The following KRT23 variants were observed in gnomAD, a reference collection of about 807,000 sequenced individuals.
KRT23 encodes keratin, type I cytoskeletal 23.
KRT23 carries 38 observed loss-of-function variants against 47.6 expected under a neutral mutation model. That is an observed-to-expected ratio of 0.80 (90% CI 0.62 to 1.05). KRT23 has a LOEUF of 1.05. Among genes scored for constraint, KRT23 ranks in the 50% least tolerant of loss-of-function variants. The probability of loss-of-function intolerance (pLI) is 0.00; values close to 1 mark genes in which losing one functional copy is unlikely to be tolerated. For synonymous variants in KRT23, 191 were observed against 199.0 expected (o/e 0.96, Z 0.34); for missense variants, 503 against 529.5 (o/e 0.95, Z 0.49).
rs2143549691 is a variant in KRT23, at chr17:40,937,514, G to C, written c.-519C>G. 1 of 152,374 alleles carries C rather than the reference G, an allele frequency of 6.6e-6. No homozygotes were observed. Among genetic ancestry groups the C allele is most frequent in the South Asian group, 2.1e-4 (1 of 4,828 alleles). The allele number at this position is 152,374 out of a possible 1,614,324, so 9.4% of individuals were successfully genotyped here. On this transcript the variant is annotated 5_prime_UTR_variant, in exon 1 of 9. Transcript: ENST00000209718. ...GCTCTGTGTGTCTGTGACCTGCAGA[G>C]GGACGATGGAAAACAGGAAACCTGC...
Position 40,926,301 on chromosome 17 carries a change from T to C in KRT23, c.922-727A>G, listed in dbSNP as rs563446874. Among the ~76,000 whole-genome samples the C allele has an allele frequency of 1.7e-4, 26 of 152,312 alleles. No individual in the cohort carries two copies. In the South Asian group the frequency reaches 4.8e-3, roughly 28 times the overall value. ...AGAATCTCCTAACTGTGCTGGATAC[T>C]CTCCCTTTATCGTGGCTGCTAATTT... On this transcript the variant is annotated intron_variant, in intron 6 of 8. Coordinates refer to ENST00000209718, the MANE Select transcript of KRT23 (RefSeq NM_015515.5).
chr17:40,936,180 G>T, intron 2 of KRT23, 28 bp downstream of exon 2: 1 of 1,613,180 alleles, frequency 6.2e-7, no homozygotes, highest in Non-Finnish European at 8.5e-7. Context: ...AGCCCCATCT[G>T]GATCTCCAGG....
chr17:40,936,430 A>G lies in KRT23; in HGVS notation c.174T>C (p.Ser58=). 1 of 1,612,800 alleles carries G rather than the reference A, an allele frequency of 6.2e-7. No individual in the cohort carries two copies. Among genetic ancestry groups the G allele is most frequent in the Non-Finnish European group, 8.5e-7 (1 of 1,179,136 alleles). ...TTRSCPPPGG[S]WGSGRSSPLL... ...GGGGGCTGCTTCTTCCAGAACCCCA[A>G]GACCCTCCAGGGGGTGGGCAGCTCC... Residue 58 remains serine (S), a synonymous_variant, in exon 2 of 9, where the codon TCT becomes TCC. Transcript: ENST00000209718.
rs150086547 is a variant in KRT23 at position 40,926,124 on chromosome 17, G to A, written c.922-550C>T. Among the ~76,000 whole-genome samples the A allele has an allele frequency of 2.3e-3, 353 of 151,562 alleles. 2 individuals are homozygous for A. The highest frequency in any genetic ancestry group is 8.0e-3 in the African/African-American group (332 of 41,258). On this transcript the variant is annotated intron_variant, in intron 6 of 8. Coordinates refer to ENST00000209718, the MANE Select transcript of KRT23 (RefSeq NM_015515.5). Reference sequence around the variant, plus strand: ...TCAAGCAATGCTTTTTGATTATGACGATGGTAAAAAAAAAAAATGTCATTT... The same window carrying A: ...TCAAGCAATGCTTTTTGATTATGACAATGGTAAAAAAAAAAAATGTCATTT...
rs1371815088 is a variant in KRT23 at position 40,936,927 on chromosome 17, C to A, written c.-324G>T. 5 of 307,692 alleles carry A rather than the reference C, an allele frequency of 1.6e-5. No individual in the cohort carries two copies. The East Asian group carries it at 2.1e-4, about 13-fold the overall frequency. 19.1% of individuals were successfully genotyped at this position (307,692 alleles called of 1,614,324 possible). ...GGCTCAGGTATCTTTCTAATCTTGC[C>A]GTGAAGTTTTTCCATTGTTCATTTA... On this transcript the variant is annotated 5_prime_UTR_variant, in exon 2 of 9. Transcript: ENST00000209718.
At chr17:40,930,487 C>T (rs1005944404) in intron 3 of KRT23, among the ~76,000 whole-genome samples, 8 of 152,112 alleles carry the variant, frequency 5.3e-5, no homozygotes, top group East Asian at 1.9e-4. Context: ...ATAAACAGGC[C>T]GGGCACGGTG....
chr17:40,923,116 A>G, intron 8 of KRT23, 33 bp from the exon 9 acceptor site: 1 of 1,478,708 alleles, frequency 6.8e-7, no homozygotes, highest in Non-Finnish European at 9.5e-7. Context: ...TGTCACTGCC[A>G]TGCTTCTTCC....
rs937873449 is a variant in KRT23, at chr17:40,928,341, T to C, written c.818A>G (p.Glu273Gly). 6 of 1,614,210 alleles carry C rather than the reference T, an allele frequency of 3.7e-6. No individual in the cohort carries two copies. In the East Asian group the frequency reaches 1.1e-4, roughly 30 times the overall value. ...YKEQSAAMSQEAASPATVQSR... is the reference protein window; with the variant it reads ...YKEQSAAMSQGAASPATVQSR... ...CTGCACAGTGGCTGGACTGGCTGCC[T>C]CCTGGGACATGGCTGCAGACTGTGG... is the stretch of plus-strand genomic sequence containing the variant. Residue 273 changes from glutamate to glycine, a missense_variant, in exon 6 of 9, where the codon GAG becomes GGG. By Grantham distance (98) the Glu-to-Gly change is moderately conservative. Transcript: ENST00000209718.
chr17:40,935,214 C>T (rs1489256868), intron 2 of KRT23, among the ~76,000 whole-genome samples: 1 of 150,690 alleles, frequency 6.6e-6, no homozygotes, highest in Non-Finnish European at 1.5e-5. Context: ...ATTACAAGGA[C>T]AGATTTATAT....
In KRT23 at chr17:40,925,583, G is replaced by C. The variant is rs1474186523; in HGVS notation, c.922-9C>G. ...TTTTCCAAAGCAGATTTCTGAAAGA[G>C]GAAATGATCTTCTGTTAATTAACTG... On this transcript the variant is annotated splice_polypyrimidine_tract_variant and intron_variant, in intron 6 of 8. Transcript: ENST00000209718. The C allele has an allele frequency of 6.3e-7, 1 of 1,592,170 alleles. No homozygotes were observed. Among genetic ancestry groups the C allele is most frequent in the Non-Finnish European group, 8.6e-7 (1 of 1,162,354 alleles).
Position 40,928,622 on chromosome 17 carries a change from A to G in KRT23, c.637-15T>C. On this transcript the variant is annotated splice_polypyrimidine_tract_variant and intron_variant, in intron 4 of 8. Coordinates refer to ENST00000209718, the MANE Select transcript of KRT23 (RefSeq NM_015515.5). ...TTCTCCATTTCCTATTTAATAACAG[A>G]GAAAGGAAATGAACCGGCTTTGACA... 1 of 1,607,888 alleles carries G rather than the reference A, an allele frequency of 6.2e-7. No homozygotes were observed. Among genetic ancestry groups the G allele is most frequent in the Non-Finnish European group, 8.5e-7 (1 of 1,178,394 alleles).
intron 2 of KRT23, among the ~76,000 whole-genome samples, chr17:40,934,849 T>C (rs1175290280): frequency 6.6e-6 from 1 of 152,214 alleles, no homozygotes; most frequent in African/African-American, 2.4e-5. Context: ...TGGATAGTGT[T>C]GACATGTGTA....
chr17:40,928,373 G>C lies in KRT23; in HGVS notation c.799-13C>G. 6.2e-7 allele frequency: 1 copy of C among 1,614,166 alleles called. No homozygotes were observed. The highest frequency in any genetic ancestry group is 8.5e-7 in the Non-Finnish European group (1 of 1,180,032). On this transcript the variant is annotated splice_polypyrimidine_tract_variant and intron_variant, in intron 5 of 8. Transcript: ENST00000209718. ...ACATGGCTGCAGACTGTGGGACCAA[G>C]CAAGGCAAAGGCGTCAGCATTGGGA... is the stretch of plus-strand genomic sequence containing the variant.
At chr17:40,924,552 A>G in intron 7 of KRT23, 49 bp from the exon 8 acceptor site, 4 of 1,456,330 alleles carry the variant, frequency 2.7e-6, no homozygotes, top group Non-Finnish European at 3.9e-6. Flanking sequence ...AGCAACAATC[A>G]TAACAACTTC....
chr17:40,934,412 T>C (rs777011550), intron 2 of KRT23, among the ~76,000 whole-genome samples: 16 of 152,186 alleles, frequency 1.1e-4, no homozygotes, highest in Non-Finnish European at 2.2e-4. Flanking sequence ...GGTGGGCAGG[T>C]TGCTCCCCAC....
chr17:40,926,414 C>T (rs1298283141), intron 6 of KRT23, among the ~76,000 whole-genome samples: 3 of 152,208 alleles, frequency 2.0e-5, no homozygotes, highest in Admixed American at 2.0e-4. Flanking sequence ...ATTTTGTTCC[C>T]TCTCCTCTGT....
intron 4 of KRT23, 32 bp downstream of exon 4, chr17:40,929,908 G>A: frequency 6.2e-7 from 1 of 1,605,536 alleles, no homozygotes; most frequent in Non-Finnish European, 8.5e-7. Context: ...TAAGAGCTGT[G>A]CTTATTAGCA....
chr17:40,936,511 A>T lies in KRT23; in HGVS notation c.93T>A (p.Ala31=). 1 of 1,523,958 alleles carries T rather than the reference A, an allele frequency of 6.6e-7. No individual in the cohort carries two copies. The highest frequency in any genetic ancestry group is 8.8e-7 in the Non-Finnish European group (1 of 1,138,452). The allele number at this position is 1,523,958 out of a possible 1,614,324, so 94.4% of individuals were successfully genotyped here. The change falls in exon 2 of 9, where the codon GCT becomes GCA. Residue 31 remains alanine, a synonymous_variant. Coordinates refer to ENST00000209718, the MANE Select transcript of KRT23 (RefSeq NM_015515.5). ...CCCCCGCACCGCCATGGACGGTGGG[A>T]GCCCTGGGGAAGCTCCTGGGCCGGC... ...GWGRPRSFPR[A]PTVHGGAGGA... is the part of the protein sequence containing the mutation.
chr17:40,930,138 G>A, intron 3 of KRT23, 42 bp from the exon 4 acceptor site: 2 of 1,567,760 alleles, frequency 1.3e-6, no homozygotes, highest in Middle Eastern at 1.7e-4. Flanking sequence ...ATTGTTGGAA[G>A]GCCATGGTTT....
Sources: allele counts gnomAD v4.1 joint callset (sites outside exome capture counted in the v4.1 genomes callset), GRCh38; gene constraint gnomAD v4.1.1; transcripts MANE v1.5; gene names NCBI Gene and HGNC (gene_info 2026-07-23, HGNC 2026-07-21).